Variants in TET3 observed in about 807,000 individuals in gnomAD.
TET3 encodes the protein tet methylcytosine dioxygenase 3.
A neutral mutation model predicts 141.4 loss-of-function variants in TET3; 19 were observed. That is an observed-to-expected ratio of 0.13 (90% CI 0.09 to 0.20). The LOEUF (loss-of-function observed/expected upper bound fraction) is 0.20. Among genes scored for constraint, TET3 ranks in the 10% least tolerant of loss-of-function variants. The pLI, the probability that TET3 is intolerant of heterozygous loss-of-function variation, is 1.00. For synonymous variants in TET3, 1,043 were observed against 980.9 expected (o/e 1.06, Z -1.18); for missense variants, 1,874 against 2,356.9 (o/e 0.80, Z 4.24).
chr2:74,085,774 C>T (rs993234671), intron 6 of TET3, among the ~76,000 whole-genome samples: 2 of 152,168 alleles, frequency 1.3e-5, no homozygotes, highest in Admixed American at 6.5e-5. Context: ...AGGTCCGCAC[C>T]CTGGGGGTCA....
At chr2:74,029,313 A>G (rs891735239) in intron 3 of TET3, among the ~76,000 whole-genome samples, 2 of 152,210 alleles carry the variant, frequency 1.3e-5, no homozygotes, top group Non-Finnish European at 2.9e-5. Context: ...TCAAGGGAAT[A>G]ATAAGCCCAA....
At chr2:74,131,089 G>A in the TET3 span, among the ~76,000 whole-genome samples, 56 of 152,138 alleles carry the variant, frequency 3.7e-4, no homozygotes, top group South Asian at 0.011. Flanking sequence ...CGGTGCCTCC[G>A]CTCTCCCGTT....
intron 3 of TET3, among the ~76,000 whole-genome samples, chr2:74,008,866 C>T (rs138360878): frequency 7.2e-5 from 11 of 152,230 alleles, no homozygotes; most frequent in Admixed American, 3.9e-4. Flanking sequence ...TGGTTACCTC[C>T]GAGGCCTGGA....
intron 4 of TET3, among the ~76,000 whole-genome samples, chr2:74,049,355 T>C (rs1236233622): frequency 2.6e-5 from 4 of 152,108 alleles, no homozygotes; most frequent in African/African-American, 9.7e-5. Context: ...AGCGGTGCCG[T>C]GTGTGAGAAC....
chr2:74,043,236 A>G (rs1366359338), intron 3 of TET3, among the ~76,000 whole-genome samples: 2 of 152,214 alleles, frequency 1.3e-5, no homozygotes, highest in African/African-American at 4.8e-5. Context: ...TTAGGCTTCT[A>G]AGAAAGAAGA....
At chr2:74,061,588 C>T (rs181817998) in intron 4 of TET3, among the ~76,000 whole-genome samples, 9 of 134,212 alleles carry the variant, frequency 6.7e-5, no homozygotes, top group Non-Finnish European at 8.1e-5. Context: ...GCTGGCCGGG[C>T]GGGGGGCTGA....
intron 3 of TET3, among the ~76,000 whole-genome samples, chr2:74,020,337 C>T (rs1364234603): frequency 6.6e-6 from 1 of 152,188 alleles, no homozygotes; most frequent in Non-Finnish European, 1.5e-5. Context: ...GTGCATACCA[C>T]CACACCCAGC....
intron 3 of TET3, among the ~76,000 whole-genome samples, chr2:74,033,135 T>G (rs1408003635): frequency 6.6e-6 from 1 of 152,234 alleles, no homozygotes; most frequent in African/African-American, 2.4e-5. Context: ...ATGTGTAGTT[T>G]GCAGTTTCAG....
the TET3 span, among the ~76,000 whole-genome samples, chr2:74,115,293 A>C: frequency 4.6e-5 from 7 of 152,236 alleles, no homozygotes; most frequent in Admixed American, 1.3e-4. Flanking sequence ...AAAAATGGGC[A>C]AATGATTATC....
At chr2:74,059,532 G>A (rs927608261) in intron 4 of TET3, among the ~76,000 whole-genome samples, 1 of 152,222 alleles carries the variant, frequency 6.6e-6, no homozygotes, top group Non-Finnish European at 1.5e-5. Context: ...TAGGATTACA[G>A]GTGTGAGCCA....
chr2:74,036,491 T>C (rs1687063046), intron 3 of TET3, among the ~76,000 whole-genome samples: 1 of 152,372 alleles, frequency 6.6e-6, no homozygotes, highest in South Asian at 2.1e-4. Context: ...TTGGCACATG[T>C]AGCTTTTTTA....
At chr2:73,987,233 C>A (rs1278247592) in intron 2 of TET3, among the ~76,000 whole-genome samples, 4 of 152,122 alleles carry the variant, frequency 2.6e-5, no homozygotes, top group Non-Finnish European at 5.9e-5. Context: ...GTTTTGGGTT[C>A]CCCTATCTTA....
chr2:74,061,580 TG>T, intron 4 of TET3, among the ~76,000 whole-genome samples: 1 of 127,032 alleles, frequency 7.9e-6, no homozygotes, highest in Non-Finnish European at 1.7e-5. Flanking sequence ...ACGGGGCGGC[TG>T]GCCGGGCGGG....
At chr2:73,988,813 A>G (rs898442360) in intron 2 of TET3, among the ~76,000 whole-genome samples, 7 of 152,126 alleles carry the variant, frequency 4.6e-5, no homozygotes, top group Admixed American at 1.3e-4. Flanking sequence ...CTCAAAGAGC[A>G]GTACTTTTTT....
Position 74,073,539 on chromosome 2 carries a change from G to A in TET3, c.2495-10G>A. The A allele has an allele frequency of 1.9e-6, 3 of 1,592,840 alleles. No individual in the cohort carries two copies. The highest frequency in any genetic ancestry group is 1.7e-4 in the Middle Eastern group (1 of 6,020). On this transcript the variant is annotated splice_polypyrimidine_tract_variant and intron_variant, in intron 4 of 11. Coordinates refer to ENST00000409262, the MANE Select transcript of TET3 (RefSeq NM_001287491.2). ...TATTCCAAAAATGTTTACTCTCTGT[G>A]TTTCTGCAGAACAAATAGTGGAGAA...
In TET3 at chr2:74,048,127, A is replaced by G; in HGVS notation, c.2210A>G (p.Asn737Ser). ...TCTGTGCCCATTCAGGACCCCGAGA[A>G]CCAGCAAACATGTCTCCCAGCCCCT... is the stretch of plus-strand genomic sequence containing the variant. ...PPSVPIQDPE[N>S]QQTCLPAPES... Residue 737 changes from asparagine to serine, a missense_variant, in exon 4 of 12, where the codon AAC becomes AGC. Physicochemically the swap from Asn to Ser is conservative, Grantham distance 46. This residue lies in a region of TET3 where 484 missense variants were observed against 462.2 expected (regional missense o/e 1.05). Transcript: ENST00000409262. 6.2e-7 allele frequency: 1 copy of G among 1,613,234 alleles called. No individual in the cohort carries two copies. Among genetic ancestry groups the G allele is most frequent in the Non-Finnish European group, 8.5e-7 (1 of 1,179,600 alleles).
chr2:74,126,428 G>T, the TET3 span, among the ~76,000 whole-genome samples: 53 of 151,990 alleles, frequency 3.5e-4, no homozygotes, highest in Admixed American at 3.5e-3. Context: ...CTCATACATA[G>T]GCATTGATCT....
At chr2:74,097,264 C>CT (rs1471327866) in intron 10 of TET3, among the ~76,000 whole-genome samples, 1 of 150,694 alleles carries the variant, frequency 6.6e-6, no homozygotes, top group Admixed American at 6.6e-5. Context: ...CATCTAAACA[C>CT]TAACAATGAC....
Position 74,048,337 on chromosome 2 carries a change from A to G in TET3, c.2420A>G (p.Asp807Gly), listed in dbSNP as rs753494192. ...GFLESPLKYLDTPTKSLLDTP... is the reference protein window; with the variant it reads ...GFLESPLKYLGTPTKSLLDTP... Reference sequence around the variant, plus strand: ...TTGGAGTCACCTCTTAAGTACCTGGACACACCCACCAAGAGTCTGCTGGAC... The same window carrying G: ...TTGGAGTCACCTCTTAAGTACCTGGGCACACCCACCAAGAGTCTGCTGGAC... The change falls in exon 4 of 12, where the codon GAC becomes GGC. Residue 807 changes from aspartate to glycine, a missense_variant. By Grantham distance (94) the Asp-to-Gly change is moderately conservative. Around this residue, in one of 10 missense-constraint regions of TET3, gnomAD observed 83 missense variants for 107.0 expected, o/e 0.78. Coordinates refer to ENST00000409262, the MANE Select transcript of TET3 (RefSeq NM_001287491.2). The G allele has an allele frequency of 1.5e-5, 25 of 1,613,740 alleles. No homozygotes were observed. Among genetic ancestry groups the G allele is most frequent in the Non-Finnish European group, 2.0e-5 (24 of 1,179,836 alleles).
Sources: gnomAD v4.1 joint callset for allele counts (sites outside exome capture counted in the v4.1 genomes callset) on GRCh38, gnomAD v4.1.1 for gene constraint, gnomAD v4.1.1 regional missense constraint, MANE v1.5 for transcripts, NCBI Gene and HGNC (gene_info 2026-07-23, HGNC 2026-07-21) for gene names.